The following PDE8A variants were observed in gnomAD, a reference collection of about 807,000 sequenced individuals.
PDE8A encodes the protein phosphodiesterase 8A, also known as high affinity cAMP-specific and IBMX-insensitive 3',5'-cyclic phosphodiesterase 8A.
In PDE8A, 59 loss-of-function variants were observed where a neutral mutation model predicts 105.0. The observed-to-expected ratio is 0.56, with a 90% CI of 0.46 to 0.70. The LOEUF is 0.70. PDE8A is among the 30% of genes least tolerant of loss of function. PDE8A has a pLI of 0.00. For missense variants in PDE8A, 1,014 were observed against 1,045.9 expected (o/e 0.97, Z 0.42); for synonymous variants, 355 against 371.9 (o/e 0.95, Z 0.52).
intron 1 of PDE8A, among the ~76,000 whole-genome samples, chr15:85,040,458 C>T (rs2080786194): frequency 6.6e-6 from 1 of 151,380 alleles, no homozygotes; most frequent in Non-Finnish European, 1.5e-5. Flanking sequence ...TTATGTACAC[C>T]CTTTTCCTTT....
chr15:85,083,661 T>TTTC lies in PDE8A; in HGVS notation c.635+17_635+18insTTC. 6.5e-7 allele frequency: 1 copy of TTTC among 1,549,972 alleles called. No individual in the cohort carries two copies. Among genetic ancestry groups the TTTC allele is most frequent in the Non-Finnish European group, 8.9e-7 (1 of 1,121,654 alleles). On this transcript the variant is annotated intron_variant, in intron 6 of 21. Transcript: ENST00000394553. Reference sequence around the variant, plus strand: ...GAAACTCAGGTAATTCTACCACTTCTGGAAAGCCCTCCAGGCCATACAGGG... The same window carrying TTTC: ...GAAACTCAGGTAATTCTACCACTTCTTTCGGAAAGCCCTCCAGGCCATACAGGG...
chr15:85,024,312 C>T (rs910343803), intron 1 of PDE8A, among the ~76,000 whole-genome samples: 2 of 152,198 alleles, frequency 1.3e-5, no homozygotes, highest in African/African-American at 4.8e-5. Flanking sequence ...TGGCACAGTA[C>T]CTGGCATATA....
rs540430650 is a variant in PDE8A, at chr15:85,136,341, A to G, written c.2254-193A>G. On this transcript the variant is annotated intron_variant, in intron 20 of 21. Coordinates refer to ENST00000394553, the MANE Select transcript of PDE8A (RefSeq NM_002605.3). Reference sequence around the variant, plus strand: ...TGGGGTGTCCTCAGACCCCACTGACATGGAGTAGTCCTCATTCTGAGAACT... The same window carrying G: ...TGGGGTGTCCTCAGACCCCACTGACGTGGAGTAGTCCTCATTCTGAGAACT... Among the ~76,000 whole-genome samples, 5 of 152,306 alleles carry G rather than the reference A, an allele frequency of 3.3e-5. No homozygotes were observed. The East Asian group carries it at 7.7e-4, about 23-fold the overall frequency.
At chr15:84,993,829 A>T (rs924742168) in intron 1 of PDE8A, among the ~76,000 whole-genome samples, 6 of 152,212 alleles carry the variant, frequency 3.9e-5, no homozygotes, top group African/African-American at 1.4e-4. Flanking sequence ...TTGAGGTTGC[A>T]GTGAGCTATG....
intron 15 of PDE8A, 133 bp from the exon 16 acceptor site, chr15:85,115,851 C>T (rs2082087651): frequency 5.4e-6 from 4 of 734,858 alleles, no homozygotes; most frequent in Admixed American, 2.4e-5. Flanking sequence ...ACCCGGGAGG[C>T]GGAGGTTGCA....
chr15:84,994,015 A>G (rs4980341), intron 1 of PDE8A, among the ~76,000 whole-genome samples: 34,640 of 152,188 alleles, frequency 0.23, 5,167 homozygotes, highest in Middle Eastern at 0.37. Flanking sequence ...AGCTCCCTCC[A>G]AAAGATAGAT....
intron 1 of PDE8A, among the ~76,000 whole-genome samples, chr15:85,008,135 G>T (rs1458640376): frequency 6.6e-6 from 1 of 151,940 alleles, no homozygotes; most frequent in Non-Finnish European, 1.5e-5. Context: ...GAGTGACAGT[G>T]GGAGAGTCAG....
chr15:85,067,971 A>C (rs1236116790), intron 3 of PDE8A, among the ~76,000 whole-genome samples: 1 of 152,040 alleles, frequency 6.6e-6, no homozygotes, highest in Non-Finnish European at 1.5e-5. Flanking sequence ...TAGTGCCTGA[A>C]ATGTGCCTGT....
intron 6 of PDE8A, among the ~76,000 whole-genome samples, chr15:85,085,892 A>T (rs2081544809): frequency 1.3e-5 from 2 of 151,264 alleles, no homozygotes; most frequent in South Asian, 4.2e-4. Context: ...CATGCCTGTC[A>T]TCCCAGCTAC....
At chr15:85,072,821 TTCC>T (rs2141474235) in intron 3 of PDE8A, among the ~76,000 whole-genome samples, 2 of 152,270 alleles carry the variant, frequency 1.3e-5, no homozygotes, top group Admixed American at 1.3e-4. Flanking sequence ...TTTTAAGACT[TTCC>T]CAGTGAGGCC....
chr15:84,981,612 G>C (rs1160984543), upstream of PDE8A, among the ~76,000 whole-genome samples: 1 of 152,120 alleles, frequency 6.6e-6, no homozygotes, highest in African/African-American at 2.4e-5. Context: ...CTCGGCCTGG[G>C]GGGGCTTTTC....
At chr15:85,002,973 A>G (rs1021249156) in intron 1 of PDE8A, among the ~76,000 whole-genome samples, 1 of 152,090 alleles carries the variant, frequency 6.6e-6, no homozygotes, top group African/African-American at 2.4e-5. Flanking sequence ...TATCACAACT[A>G]TACTTTGGTA....
In PDE8A at chr15:85,091,087, G is replaced by T. The variant is rs199976667; in HGVS notation, c.758G>T (p.Gly253Val). 2.5e-6 allele frequency: 4 copies of T among 1,612,670 alleles called. No homozygotes were observed. The East Asian group carries it at 6.7e-5, about 27-fold the overall frequency. The stretch of plus-strand genomic sequence containing the variant: ...GAAACAACAATGGGCTATCAGTCAG[G>T]TGAATTAATAGGGAAGGAGTTAGGA... ...AFETTMGYQS[G>V]ELIGKELGEV... The change falls in exon 8 of 22, where the codon GGT becomes GTT. Residue 253 changes from glycine (G) to valine (V), a missense_variant. By Grantham distance (109) the Gly-to-Val change is moderately radical. Coordinates refer to ENST00000394553, the MANE Select transcript of PDE8A (RefSeq NM_002605.3).
chr15:85,072,819 CT>C (rs1225739739), intron 3 of PDE8A, among the ~76,000 whole-genome samples: 2 of 152,160 alleles, frequency 1.3e-5, no homozygotes, highest in Non-Finnish European at 2.9e-5. Context: ...GCTTTTAAGA[CT>C]TTCCCAGTGA....
intron 18 of PDE8A, among the ~76,000 whole-genome samples, chr15:85,122,658 A>G (rs1033496473): frequency 2.6e-5 from 4 of 152,220 alleles, no homozygotes. Context: ...AATAAAAGCA[A>G]GGGTTAGAGG....
chr15:85,132,591 A>G (rs574135349), intron 20 of PDE8A, among the ~76,000 whole-genome samples: 2 of 152,080 alleles, frequency 1.3e-5, no homozygotes, highest in South Asian at 4.2e-4. Context: ...TCAGCCTCCC[A>G]AGTAGCTGGG....
At chr15:85,036,343 A>G (rs1281174049) in intron 1 of PDE8A, among the ~76,000 whole-genome samples, 2 of 152,202 alleles carry the variant, frequency 1.3e-5, no homozygotes, top group Non-Finnish European at 2.9e-5. Flanking sequence ...AGAGGCTCCC[A>G]TGATTAAAAT....
intron 1 of PDE8A, among the ~76,000 whole-genome samples, chr15:85,030,667 A>G (rs2080599553): frequency 6.6e-6 from 1 of 151,850 alleles, no homozygotes; most frequent in Non-Finnish European, 1.5e-5. Flanking sequence ...GTCATTTACT[A>G]TTCCTTAACA....
intron 1 of PDE8A, among the ~76,000 whole-genome samples, chr15:85,034,092 G>A (rs915667053): frequency 2.0e-5 from 3 of 152,164 alleles, no homozygotes; most frequent in African/African-American, 7.2e-5. Context: ...CATTCAGGCA[G>A]CCAGGCCAAA....
Sources: gnomAD v4.1 joint callset for allele counts (sites outside exome capture counted in the v4.1 genomes callset) on GRCh38, gnomAD v4.1.1 for gene constraint, MANE v1.5 for transcripts, NCBI Gene and HGNC (gene_info 2026-07-23, HGNC 2026-07-21) for gene names.